ZNF724: variants seen among roughly 807,000 people sequenced by gnomAD.
The protein encoded by ZNF724 is zinc finger protein 724 pseudogene.
In ZNF724, 14 loss-of-function variants were observed where a neutral mutation model predicts 29.3. The ratio of observed to expected loss-of-function variants is 0.48; its 90% confidence interval spans 0.32 to 0.75. The LOEUF is 0.75. Among genes scored for constraint, ZNF724 ranks in the 30% least tolerant of loss-of-function variants. The probability of loss-of-function intolerance (pLI) is 0.04; values close to 1 mark genes in which losing one functional copy is unlikely to be tolerated. For synonymous variants in ZNF724, 180 were observed against 193.6 expected (o/e 0.93, Z 0.58); for missense variants, 557 against 571.2 (o/e 0.98, Z 0.25).
chr19:23,227,050 T>G (rs1414142676), intron 3 of ZNF724, among the ~76,000 whole-genome samples: 4 of 152,326 alleles, frequency 2.6e-5, no homozygotes, highest in East Asian at 1.9e-4. Flanking sequence ...ACTACAATAT[T>G]TGACTGTAAC....
intron 3 of ZNF724, among the ~76,000 whole-genome samples, chr19:23,229,621 T>C (rs1971899991): frequency 6.6e-6 from 1 of 152,190 alleles, no homozygotes; most frequent in Non-Finnish European, 1.5e-5. Flanking sequence ...AAATGCAAAT[T>C]ACAACTACAC....
chr19:23,223,455 T>C lies in ZNF724; in HGVS notation c.790A>G (p.Asn264Asp). 2 of 764,144 alleles carry C rather than the reference T, an allele frequency of 2.6e-6. No homozygotes were observed. Among genetic ancestry groups the C allele is most frequent in the Non-Finnish European group, 4.9e-6 (2 of 410,556 alleles). The allele number at this position is 764,144 out of a possible 1,614,324, so 47.3% of individuals were successfully genotyped here. A position where few individuals can be genotyped will look rare whatever the true frequency, so the allele number is the denominator to read the frequency against. ...TGTGTAGTAAGGTGTGAGGATATGT[T>C]AAAAGCTTTTCCACATTCTTCACGT... ...YKREECGKAF[N>D]ISSHLTTHKI... is the part of the protein sequence containing the mutation. Residue 264 changes from asparagine (N) to aspartate (D), a missense_variant, in exon 4 of 4, where the codon AAC (asparagine) becomes GAC (aspartate). Physicochemically the swap from Asn to Asp is conservative, Grantham distance 23. This residue lies in a region of ZNF724 where 362 missense variants were observed against 295.5 expected (regional missense o/e 1.22). Transcript: ENST00000418100.
Position 23,222,842 on chromosome 19 carries a change from T to C in ZNF724, c.1403A>G (p.His468Arg), listed in dbSNP as rs1971744157. 4 of 1,416,812 alleles carry C rather than the reference T, an allele frequency of 2.8e-6. No individual in the cohort carries two copies. The highest frequency in any genetic ancestry group is 3.0e-6 in the Non-Finnish European group (3 of 1,007,120). 87.8% of individuals were successfully genotyped at this position (1,416,812 alleles called of 1,614,324 possible). ...TTTCTCTCCAGTATGAATTATCCTA[T>C]GTTCAGTAAGGTTTGAGGACCGCTT... ...AFKRSSNLTE[H>R]RIIHTGEKPY... The change falls in exon 4 of 4, where the codon CAT (histidine) becomes CGT (arginine). Residue 468 changes from histidine to arginine, a missense_variant. His to Arg is a conservative substitution (Grantham distance 29, BLOSUM62 0). Around this residue, in one of 3 missense-constraint regions of ZNF724, gnomAD observed 170 missense variants for 220.7 expected, o/e 0.77. Transcript: ENST00000418100.
At chr19:23,237,937 T>G (rs1422623224) in intron 1 of ZNF724, among the ~76,000 whole-genome samples, 1 of 152,194 alleles carries the variant, frequency 6.6e-6, no homozygotes, top group Non-Finnish European at 1.5e-5. Flanking sequence ...ATCAGTTTTT[T>G]GTCAAAGAAA....
chr19:23,222,862 C>A lies in ZNF724; in HGVS notation c.1383G>T (p.Arg461=), dbSNP rs757495600. ...KCKECGKAFK[R]SSNLTEHRII... Reference sequence around the variant, plus strand: ...TCCTATGTTCAGTAAGGTTTGAGGACCGCTTAAAAGCTTTGCCACATTCTT... The same window carrying A: ...TCCTATGTTCAGTAAGGTTTGAGGAACGCTTAAAAGCTTTGCCACATTCTT... Residue 461 remains arginine, a synonymous_variant, in exon 4 of 4, where the codon CGG becomes CGT. Coordinates refer to ENST00000418100, the MANE Select transcript of ZNF724 (RefSeq NM_001355404.2). The A allele has an allele frequency of 8.7e-6, 12 of 1,378,292 alleles. No homozygotes were observed. Among genetic ancestry groups the A allele is most frequent in the Non-Finnish European group, 1.1e-5 (11 of 983,486 alleles). 85.4% of individuals were successfully genotyped at this position (1,378,292 alleles called of 1,614,324 possible).
At chr19:23,227,580 A>AAAAAAAAAAAAC (rs1555724236) in intron 3 of ZNF724, among the ~76,000 whole-genome samples, 1 of 149,344 alleles carries the variant, frequency 6.7e-6, no homozygotes, top group Non-Finnish European at 1.5e-5. Context: ...ACAAAAAAAA[A>AAAAAAAAAAAAC]CAAGTTAAAT....
At position 23,223,001 on chromosome 19, in the gene ZNF724, A is replaced by G. The variant is rs565951676; in HGVS notation, c.1244T>C (p.Ile415Thr). ...TTTGTAGGGTTTCTCTCCGGTATGA[A>G]TTCTTTTATGTGTGGTGAGGTGTGA... Reference protein sequence around the residue: ...TSSHLTTHKRIHTGEKPYKCE... With the variant: ...TSSHLTTHKRTHTGEKPYKCE... The change falls in exon 4 of 4, where the codon ATT (isoleucine) becomes ACT (threonine). Residue 415 changes from isoleucine (I) to threonine (T), a missense_variant. Physicochemically the swap from Ile to Thr is moderately conservative, Grantham distance 89. Coordinates refer to ENST00000418100, the MANE Select transcript of ZNF724 (RefSeq NM_001355404.2). 7.3e-7 allele frequency: 1 copy of G among 1,364,348 alleles called. No homozygotes were observed. The highest frequency in any genetic ancestry group is 1.0e-6 in the Non-Finnish European group (1 of 953,870). 84.5% of individuals were successfully genotyped at this position (1,364,348 alleles called of 1,614,324 possible).
chr19:23,241,583 G>A (rs1171679440), intron 1 of ZNF724, among the ~76,000 whole-genome samples: 1 of 152,096 alleles, frequency 6.6e-6, no homozygotes, highest in African/African-American at 2.4e-5. Context: ...ATGCAAGGTT[G>A]GTTCAACATA....
chr19:23,226,457 C>T (rs1032678837), intron 3 of ZNF724, among the ~76,000 whole-genome samples: 41 of 152,144 alleles, frequency 2.7e-4, no homozygotes, highest in Non-Finnish European at 4.9e-4. Context: ...TGTGAGCCAC[C>T]ACCATGCATA....
rs975557613 is a variant in ZNF724 at position 23,238,309 on chromosome 19, G to A, written c.4-6016C>T. Among the ~76,000 whole-genome samples the A allele has an allele frequency of 4.6e-5, 7 of 152,020 alleles. No individual in the cohort carries two copies. In the South Asian group the frequency reaches 8.3e-4, roughly 18 times the overall value. On this transcript the variant is annotated intron_variant, in intron 1 of 3. Transcript: ENST00000418100. ...GAACCCGGGAGGCAGAGCTTGCAAT[G>A]AGCCCAGATCACGCCAATGCACTCC... is the stretch of plus-strand genomic sequence containing the variant.
At chr19:23,235,112 T>G (rs961896801) in intron 1 of ZNF724, among the ~76,000 whole-genome samples, 1 of 152,232 alleles carries the variant, frequency 6.6e-6, no homozygotes, top group African/African-American at 2.4e-5. Context: ...ACTATTGAAA[T>G]GTTTATAAAG....
intron 3 of ZNF724, among the ~76,000 whole-genome samples, chr19:23,225,838 T>C (rs1173105627): frequency 2.0e-5 from 3 of 152,058 alleles, no homozygotes; most frequent in Non-Finnish European, 4.4e-5. Flanking sequence ...GTTTTCATTT[T>C]ACAGATGAAA....
chr19:23,249,969 G>A (rs2145801052), intron 1 of ZNF724, among the ~76,000 whole-genome samples: 1 of 152,344 alleles, frequency 6.6e-6, no homozygotes, highest in Middle Eastern at 3.4e-3. Context: ...ATCTGGGAGA[G>A]ACGCTGCGCT....
intron 1 of ZNF724, among the ~76,000 whole-genome samples, chr19:23,247,631 T>C (rs1229929299): frequency 6.6e-6 from 1 of 152,174 alleles, no homozygotes; most frequent in Admixed American, 6.5e-5. Context: ...ACTTGGCAAG[T>C]TCTTGTACTA....
intron 1 of ZNF724, among the ~76,000 whole-genome samples, chr19:23,235,153 G>C (rs4932843): frequency 0.47 from 69,673 of 148,678 alleles, 17,516 homozygotes; most frequent in East Asian, 0.67. Context: ...GTATGTTACA[G>C]AGCACTGTGC....
intron 1 of ZNF724, among the ~76,000 whole-genome samples, chr19:23,242,026 A>C (rs1040239993): frequency 3.3e-5 from 5 of 152,224 alleles, no homozygotes; most frequent in African/African-American, 1.2e-4. Context: ...CAACTTCTGC[A>C]AAGTTTCAAA....
chr19:23,241,337 T>C (rs370495120), intron 1 of ZNF724, among the ~76,000 whole-genome samples: 6 of 152,178 alleles, frequency 3.9e-5, no homozygotes, highest in East Asian at 3.9e-4. Context: ...AAAGCTGATA[T>C]AATGCCTTTT....
At chr19:23,226,215 C>G (rs928221548) in intron 3 of ZNF724, among the ~76,000 whole-genome samples, 5 of 152,026 alleles carry the variant, frequency 3.3e-5, no homozygotes, top group Admixed American at 1.3e-4. Context: ...CCATGCCAGG[C>G]TAGTTTTTTG....
intron 1 of ZNF724, among the ~76,000 whole-genome samples, chr19:23,240,751 G>C (rs1014010860): frequency 6.7e-6 from 1 of 149,828 alleles, no homozygotes; most frequent in African/African-American, 2.5e-5. Flanking sequence ...GGCAACAGAG[G>C]CCAAGCACAG....
Sources: allele counts gnomAD v4.1 joint callset (sites outside exome capture counted in the v4.1 genomes callset), GRCh38; gene constraint gnomAD v4.1.1; regional missense constraint gnomAD v4.1.1; transcripts MANE v1.5; gene names NCBI Gene and HGNC (gene_info 2026-07-23, HGNC 2026-07-21).